The following CAPN13 variants were observed in gnomAD, a reference collection of about 807,000 sequenced individuals.
CAPN13 encodes calpain-13.
CAPN13 carries 90 observed loss-of-function variants against 98.4 expected under a neutral mutation model. That is an observed-to-expected ratio of 0.92 (90% confidence interval 0.77 to 1.09). The LOEUF is 1.09. CAPN13 is among the 50% of genes least tolerant of loss of function. The pLI is 0.00. For missense variants in CAPN13, 887 were observed against 841.3 expected (o/e 1.05, Z -0.67); for synonymous variants, 330 against 305.5 (o/e 1.08, Z -0.84).
chr2:30,743,656 C>A, intron 12 of CAPN13, 77 bp from the exon 13 acceptor site: 1 of 1,259,230 alleles, frequency 7.9e-7, no homozygotes, highest in East Asian at 2.3e-5. Flanking sequence ...AAAGACCCAC[C>A]ACCTTCTAGA....
At chr2:30,723,317 G>C (rs1333969504) in intron 22 of CAPN13, 81 bp from the exon 23 acceptor site, 2 of 152,230 alleles carry the variant, frequency 1.3e-5, no homozygotes, top group East Asian at 3.8e-4. Flanking sequence ...CCATGGAAGT[G>C]GGGCCCCATT....
At chr2:30,741,582 G>A in intron 15 of CAPN13, 1 of 1,092,070 alleles carries the variant, frequency 9.2e-7, no homozygotes, top group Non-Finnish European at 1.1e-6. Flanking sequence ...CCGAGTAGGA[G>A]AAGGAAAGGT....
At chr2:30,729,545 T>C (rs1466190569) in intron 22 of CAPN13, 1 of 152,220 alleles carries the variant, frequency 6.6e-6, no homozygotes, top group African/African-American at 2.4e-5. Context: ...GTCATGCAGA[T>C]TGGAACAGAC....
intron 1 of CAPN13, among the ~76,000 whole-genome samples, chr2:30,794,086 TAA>T (rs1458779775): frequency 6.6e-6 from 1 of 151,616 alleles, no homozygotes. Flanking sequence ...CATCAAAGTT[TAA>T]AAGACACCAT....
chr2:30,731,249 G>T, intron 21 of CAPN13, 95 bp downstream of exon 21: 1 of 1,161,604 alleles, frequency 8.6e-7, no homozygotes, highest in Non-Finnish European at 1.2e-6. Context: ...TTGACAGACC[G>T]TTCAATATCC....
At chr2:30,781,031 T>A (rs1336348033) in intron 2 of CAPN13, among the ~76,000 whole-genome samples, 1 of 152,222 alleles carries the variant, frequency 6.6e-6, no homozygotes, top group Non-Finnish European at 1.5e-5. Flanking sequence ...CGACTGTGAA[T>A]CACCCAGCAG....
chr2:30,770,568 C>G, intron 4 of CAPN13, 119 bp from the exon 5 acceptor site: 4 of 1,240,390 alleles, frequency 3.2e-6, no homozygotes, highest in Admixed American at 2.4e-5. Flanking sequence ...AACTCTATTC[C>G]GAACAAAATC....
chr2:30,769,745 C>T (rs952490452), intron 5 of CAPN13, among the ~76,000 whole-genome samples: 2 of 152,184 alleles, frequency 1.3e-5, no homozygotes, highest in African/African-American at 4.8e-5. Context: ...GTATTTTGAC[C>T]ATATGAGAAT....
intron 6 of CAPN13, 26 bp downstream of exon 6, chr2:30,764,106 T>C: frequency 6.5e-7 from 1 of 1,549,174 alleles, no homozygotes; most frequent in Non-Finnish European, 8.7e-7. Flanking sequence ...CTTGAACTGG[T>C]GCAAAAGGGC....
At chr2:30,742,460 G>C in intron 13 of CAPN13, 101 bp from the exon 14 acceptor site, 2 of 1,299,190 alleles carry the variant, frequency 1.5e-6, no homozygotes, top group East Asian at 2.5e-5. Context: ...TTGATGCCAA[G>C]TTCCTGAATG....
At chr2:30,730,536 A>G (rs144508007) in intron 22 of CAPN13, among the ~76,000 whole-genome samples, 194 bp downstream of exon 22, 5 of 152,246 alleles carry the variant, frequency 3.3e-5, no homozygotes, top group Non-Finnish European at 5.9e-5. Flanking sequence ...ATTGGTCTAC[A>G]TTGTCTGCAT....
intron 17 of CAPN13, chr2:30,737,757 G>A (rs1444758976): frequency 2.5e-5 from 4 of 162,302 alleles, no homozygotes; most frequent in African/African-American, 9.6e-5. Flanking sequence ...AGGGAAAATA[G>A]TTCCCAACGG....
chr2:30,800,874 C>G (rs578156121), intron 1 of CAPN13, among the ~76,000 whole-genome samples: 10 of 152,206 alleles, frequency 6.6e-5, no homozygotes, highest in African/African-American at 2.4e-4. Context: ...TGAGGTAGAG[C>G]ATTCTTTTTT....
intron 1 of CAPN13, among the ~76,000 whole-genome samples, chr2:30,805,774 C>G (rs1675586998): frequency 8.5e-6 from 1 of 117,974 alleles, no homozygotes; most frequent in Admixed American, 8.3e-5. Flanking sequence ...GGGTCTTGCT[C>G]TGTCACTCAG....
In CAPN13 at chr2:30,758,083, A is replaced by G. The variant is rs1448432319; in HGVS notation, c.829T>C (p.Trp277Arg). ...CGCCCTCTCCATTCGGCCTCGCCCC[A>G]GCCCCAGGGGTTCCACAGGGAGATA... Reference protein sequence around the residue: ...EIISLWNPWGWGEAEWRGRWS... With the variant: ...EIISLWNPWGRGEAEWRGRWS... The change falls in exon 8 of 23, where the codon TGG (tryptophan) becomes CGG (arginine). Residue 277 changes from tryptophan (W) to arginine (R), a missense_variant. Trp to Arg is a moderately radical substitution (Grantham distance 101, BLOSUM62 -3). Transcript: ENST00000295055. 1.2e-6 allele frequency: 2 copies of G among 1,611,250 alleles called. No homozygotes were observed. The highest frequency in any genetic ancestry group is 4.5e-5 in the East Asian group (2 of 44,792).
At chr2:30,730,689 T>C in intron 22 of CAPN13, 41 bp downstream of exon 22, 5 of 777,634 alleles carry the variant, frequency 6.4e-6, no homozygotes, top group South Asian at 4.1e-5. Flanking sequence ...GGAGGACTCA[T>C]GCTCCCAGGA....
chr2:30,786,861 C>A (rs540329588), intron 2 of CAPN13, among the ~76,000 whole-genome samples: 1 of 152,248 alleles, frequency 6.6e-6, no homozygotes, highest in Admixed American at 6.5e-5. Flanking sequence ...CCGTGGTTTC[C>A]CATTTTTTGG....
intron 19 of CAPN13, among the ~76,000 whole-genome samples, chr2:30,733,113 T>C (rs1051538857): frequency 2.0e-5 from 3 of 152,264 alleles, no homozygotes; most frequent in African/African-American, 7.2e-5. Context: ...CTTCTAGTTA[T>C]AAGCTCCAGG....
intron 1 of CAPN13, among the ~76,000 whole-genome samples, chr2:30,794,718 T>C (rs772870742): frequency 6.6e-6 from 1 of 152,000 alleles, no homozygotes; most frequent in African/African-American, 2.4e-5. Flanking sequence ...AAATGAATTA[T>C]TGATACATGC....
Sources: gnomAD v4.1 joint callset for allele counts (sites outside exome capture counted in the v4.1 genomes callset) on GRCh38, gnomAD v4.1.1 for gene constraint, MANE v1.5 for transcripts, NCBI Gene and HGNC (gene_info 2026-07-23, HGNC 2026-07-21) for gene names.